The following FOXP4 variants were observed in gnomAD, a reference collection of about 807,000 sequenced individuals.
FOXP4 encodes the protein forkhead box P4.
A neutral mutation model predicts 82.6 loss-of-function variants in FOXP4; 25 were observed. The observed-to-expected ratio is 0.30, with a 90% CI of 0.22 to 0.42. The LOEUF (loss-of-function observed/expected upper bound fraction) is 0.42. Ranked by LOEUF, FOXP4 falls within the 10% of genes least tolerant of loss-of-function variation. The pLI is 1.00. For missense variants in FOXP4, 785 were observed against 900.9 expected (o/e 0.87, Z 1.65); for synonymous variants, 415 against 388.2 (o/e 1.07, Z -0.81).
chr6:41,565,978 C>T lies in FOXP4; in HGVS notation c.204+14C>T, dbSNP rs771057874. On this transcript the variant is annotated intron_variant, in intron 2 of 16. Coordinates refer to ENST00000307972, the MANE Select transcript of FOXP4 (RefSeq NM_001012426.2). ...CAGCAGCAACAGGTAGGAACTGGTG[C>T]GCCTTGGGGTATCTGGGAGCGGGAG... The T allele has an allele frequency of 6.9e-6, 11 of 1,602,262 alleles. No individual in the cohort carries two copies. The highest frequency in any genetic ancestry group is 3.3e-5 in the South Asian group (3 of 90,436).
Position 41,594,887 on chromosome 6 carries a change from C to T in FOXP4, c.1554C>T (p.Asn518=), listed in dbSNP as rs748831192. The change falls in exon 14 of 17, where the codon AAC becomes AAT. Residue 518 remains asparagine (N), a synonymous_variant. Coordinates refer to ENST00000307972, the MANE Select transcript of FOXP4 (RefSeq NM_001012426.2). The part of the protein sequence containing the change: ...TATWKNAVRH[N]LSLHKCFVRV... ...ACCCACAGAACGCCGTGCGCCACAA[C>T]CTCAGCCTGCACAAGTGCTTCGTCC... 1.9e-6 allele frequency: 3 copies of T among 1,614,128 alleles called. No individual in the cohort carries two copies. The highest frequency in any genetic ancestry group is 1.7e-6 in the Non-Finnish European group (2 of 1,180,042).
At chr6:41,547,412 C>G (rs1763704581) in intron 1 of FOXP4, 1 of 152,440 alleles carries the variant, frequency 6.6e-6, no homozygotes, top group South Asian at 2.1e-4. Context: ...CAGGACGCGC[C>G]GGAGACAGAT....
At position 41,565,934 on chromosome 6, in the gene FOXP4, C is replaced by T. The variant is rs751423426; in HGVS notation, c.174C>T (p.Pro58=). The T allele has an allele frequency of 5.0e-6, 8 of 1,613,716 alleles. No homozygotes were observed. Among genetic ancestry groups the T allele is most frequent in the South Asian group, 3.3e-5 (3 of 91,046 alleles). Residue 58 remains proline (P), a synonymous_variant, in exon 2 of 17, where the codon CCC becomes CCT. Coordinates refer to ENST00000307972, the MANE Select transcript of FOXP4 (RefSeq NM_001012426.2). ...TGADSNGEMS[P]AELLHFQQQQ... ...CAGACAGCAATGGTGAGATGAGTCCCGCAGAGCTGCTGCACTTCCAGCAGC... is the reference window on the plus strand; with the variant it reads ...CAGACAGCAATGGTGAGATGAGTCCTGCAGAGCTGCTGCACTTCCAGCAGC...
chr6:41,576,384 A>C (rs1765487494), intron 2 of FOXP4, among the ~76,000 whole-genome samples: 1 of 152,168 alleles, frequency 6.6e-6, no homozygotes, highest in Admixed American at 6.5e-5. Context: ...GGTTGTGTGT[A>C]TATGCTTGGT....
chr6:41,561,215 C>G (rs11751913), intron 1 of FOXP4, among the ~76,000 whole-genome samples: 5,875 of 152,340 alleles, frequency 0.039, 167 homozygotes, highest in South Asian at 0.074. Flanking sequence ...CCCTGGCTCC[C>G]CCACGGGGAA....
In FOXP4 at chr6:41,547,213, G is replaced by C. The variant is rs991806218; in HGVS notation, c.-17+346G>C. Among the ~76,000 whole-genome samples the C allele has an allele frequency of 1.6e-4, 25 of 152,056 alleles. 1 individual carries two copies. Among genetic ancestry groups the C allele is most frequent in the Admixed American group, 1.0e-3 (16 of 15,288 alleles). The stretch of plus-strand genomic sequence containing the variant: ...GGCGGGGAGGGGGGCGGCCGGAGAG[G>C]CCACCGAGGCCCGCCCTTCCCCAAG... On this transcript the variant is annotated intron_variant, in intron 1 of 16. Coordinates refer to ENST00000307972, the MANE Select transcript of FOXP4 (RefSeq NM_001012426.2).
At chr6:41,590,421 C>T in intron 12 of FOXP4, 74 bp downstream of exon 12, 1 of 1,517,138 alleles carries the variant, frequency 6.6e-7, no homozygotes, top group South Asian at 1.2e-5. Flanking sequence ...ACACCCCTGC[C>T]TCCAGGAAGG....
At chr6:41,559,999 G>T (rs1362899159) in intron 1 of FOXP4, among the ~76,000 whole-genome samples, 1 of 152,180 alleles carries the variant, frequency 6.6e-6, no homozygotes, top group Non-Finnish European at 1.5e-5. Context: ...CCGTGCTATT[G>T]TATTTTAAGA....
intron 3 of FOXP4, among the ~76,000 whole-genome samples, 190 bp from the exon 4 acceptor site, chr6:41,584,577 GAT>G (rs1250302422): frequency 6.6e-6 from 1 of 152,188 alleles, no homozygotes; most frequent in African/African-American, 2.4e-5. Flanking sequence ...TCGTTTTAGA[GAT>G]AAAGAAAACA....
intron 3 of FOXP4, among the ~76,000 whole-genome samples, chr6:41,583,453 G>A (rs1483015306): frequency 2.0e-5 from 3 of 152,184 alleles, no homozygotes; most frequent in Admixed American, 2.0e-4. Flanking sequence ...TCACAGCCTA[G>A]GACAAGTCCC....
intron 2 of FOXP4, among the ~76,000 whole-genome samples, chr6:41,575,228 A>G (rs1269662121): frequency 6.6e-6 from 1 of 152,176 alleles, no homozygotes; most frequent in Non-Finnish European, 1.5e-5. Flanking sequence ...TTGGCTTCCC[A>G]AAGTGCTAGG....
At chr6:41,592,221 G>A (rs1449227190) in intron 13 of FOXP4, among the ~76,000 whole-genome samples, 2 of 152,154 alleles carry the variant, frequency 1.3e-5, no homozygotes, top group Non-Finnish European at 2.9e-5. Flanking sequence ...ATCCCACTAG[G>A]TTTCAACAAG....
intron 3 of FOXP4, among the ~76,000 whole-genome samples, chr6:41,581,538 T>C (rs1197361901): frequency 6.6e-6 from 1 of 152,184 alleles, no homozygotes; most frequent in Non-Finnish European, 1.5e-5. Context: ...CTGAGCCTGC[T>C]AGCTGCAGAG....
intron 1 of FOXP4, among the ~76,000 whole-genome samples, chr6:41,565,541 G>C (rs920432251): frequency 6.6e-6 from 1 of 152,300 alleles, no homozygotes; most frequent in South Asian, 2.1e-4. Flanking sequence ...AACATGGTTG[G>C]GGGTGTGGAG....
chr6:41,559,768 TTCA>T (rs1183371405), intron 1 of FOXP4, among the ~76,000 whole-genome samples: 2 of 152,168 alleles, frequency 1.3e-5, no homozygotes, highest in African/African-American at 2.4e-5. Flanking sequence ...AAAGTTAGTG[TTCA>T]TCATTGGAGC....
intron 5 of FOXP4, 83 bp downstream of exon 5, chr6:41,585,600 C>G: frequency 7.8e-7 from 1 of 1,283,598 alleles, no homozygotes. Flanking sequence ...AGGGAATTGC[C>G]TTGCAGGAAT....
rs577512244 is a variant in FOXP4, at chr6:41,591,056, C to T, written c.1435-165C>T. Among the ~76,000 whole-genome samples the T allele has an allele frequency of 6.6e-6, 1 of 152,310 alleles. No homozygotes were observed. Among genetic ancestry groups the T allele is most frequent in the South Asian group, 2.1e-4 (1 of 4,826 alleles). ...TAACCAGCCTGTCCCTCTGAGGGGA[C>T]CCACCAGCCACCACCCATCTTGTTA... On this transcript the variant is annotated intron_variant, in intron 12 of 16. Transcript: ENST00000307972. This position sits in a 1 kb window ranked among gnomAD's most constrained non-coding sequence, Gnocchi z 4.2.
chr6:41,575,810 C>T (rs1407942366), intron 2 of FOXP4, among the ~76,000 whole-genome samples: 3 of 151,534 alleles, frequency 2.0e-5, no homozygotes, highest in Non-Finnish European at 4.4e-5. Context: ...GTCATCTCCC[C>T]ACCCCAACCA....
chr6:41,587,421 T>C lies in FOXP4; in HGVS notation c.781T>C (p.Ser261Pro), dbSNP rs1581772409. 1 of 1,580,652 alleles carries C rather than the reference T, an allele frequency of 6.3e-7. No individual in the cohort carries two copies. Among genetic ancestry groups the C allele is most frequent in the Non-Finnish European group, 8.6e-7 (1 of 1,163,018 alleles). Residue 261 changes from serine to proline, a missense_variant, in exon 7 of 17, where the codon TCG becomes CCG. Coordinates refer to ENST00000307972, the MANE Select transcript of FOXP4 (RefSeq NM_001012426.2). Reference sequence around the variant, plus strand: ...CACTGGCACGGCCGCCACCGCTACCTCGTTTGCCGCTCCCCCCAAGGTCTC... The same window carrying C: ...CACTGGCACGGCCGCCACCGCTACCCCGTTTGCCGCTCCCCCCAAGGTCTC... The part of the protein sequence containing the change: ...DLTGTAATAT[S>P]FAAPPKVSPP...
Sources: gnomAD v4.1 joint callset for allele counts (sites outside exome capture counted in the v4.1 genomes callset) on GRCh38, gnomAD v4.1.1 for gene constraint, Gnocchi (gnomAD v3.1) non-coding constraint, MANE v1.5 for transcripts, NCBI Gene and HGNC (gene_info 2026-07-23, HGNC 2026-07-21) for gene names.